FAM120AOS: variants seen among roughly 807,000 people sequenced by gnomAD.
FAM120AOS encodes the protein family with sequence similarity 120 member A opposite strand, also known as uncharacterized protein FAM120AOS.
In FAM120AOS, 15 loss-of-function variants were observed where a neutral mutation model predicts 20.2. The observed-to-expected ratio is 0.74, with a 90% CI of 0.50 to 1.15. The LOEUF (loss-of-function observed/expected upper bound fraction) is 1.15. Ranked by LOEUF, FAM120AOS falls within the 50% of genes most tolerant of loss-of-function variation. The pLI is 0.00. For missense variants in FAM120AOS, 327 were observed against 351.9 expected (o/e 0.93, Z 0.57); for synonymous variants, 154 against 154.0 (o/e 1.00, Z 0.00).
intron 2 of FAM120AOS, among the ~76,000 whole-genome samples, chr9:93,448,100 T>A (rs891202633): frequency 2.0e-5 from 3 of 152,246 alleles, no homozygotes; most frequent in Non-Finnish European, 4.4e-5. Context: ...TGCTAATGAT[T>A]ACATGGGCAG....
At chr9:93,451,154 CA>C (rs757963389) in intron 1 of FAM120AOS, 96 of 1,550,320 alleles carry the variant, frequency 6.2e-5, no homozygotes, top group Non-Finnish European at 8.0e-5. Context: ...GGCCGGCCAG[CA>C]TCCCGCTCTC....
Position 93,444,889 on chromosome 9 carries a change from C to T in FAM120AOS, c.*2722G>A, listed in dbSNP as rs1441846256. On this transcript the variant is annotated 3_prime_UTR_variant, in exon 3 of 3. Transcript: ENST00000375412. The stretch of plus-strand genomic sequence containing the variant: ...TCGGCCTCCCAAAGTGCTGGGATTA[C>T]AGGAATGAGCCACTGCACCCGGCCA... Among the ~76,000 whole-genome samples, 1 of 152,160 alleles carries T rather than the reference C, an allele frequency of 6.6e-6. No individual in the cohort carries two copies. Among genetic ancestry groups the T allele is most frequent in the Non-Finnish European group, 1.5e-5 (1 of 68,034 alleles).
rs1856821236 is a variant in FAM120AOS at position 93,445,591 on chromosome 9, T to G, written c.*2020A>C. Among the ~76,000 whole-genome samples, 2 of 142,486 alleles carry G rather than the reference T, an allele frequency of 1.4e-5. No homozygotes were observed. The highest frequency in any genetic ancestry group is 5.3e-5 in the African/African-American group (2 of 37,586). 93.5% of individuals were successfully genotyped at this position (142,486 alleles called of 152,430 possible). A position where few individuals can be genotyped will look rare whatever the true frequency, so the allele number is the denominator to read the frequency against. Reference sequence around the variant, plus strand: ...CTTTCATAAAAATCGTTGTTTTTTTTTTTTTTTTTTTTTTTTGAGACAAGG... The same window carrying G: ...CTTTCATAAAAATCGTTGTTTTTTTGTTTTTTTTTTTTTTTTGAGACAAGG... On this transcript the variant is annotated 3_prime_UTR_variant, in exon 3 of 3. Transcript: ENST00000375412.
rs1437509301 is a variant in FAM120AOS at position 93,452,633 on chromosome 9, G to A, written c.77C>T (p.Ser26Leu). Residue 26 changes from serine to leucine, a missense_variant, in exon 1 of 3, where the codon TCA becomes TTA. Around this residue, in one of 3 missense-constraint regions of FAM120AOS, gnomAD observed 155 missense variants for 128.8 expected, o/e 1.20. Transcript: ENST00000375412. This position sits in a 1 kb window ranked among gnomAD's most constrained non-coding sequence, Gnocchi z 7.0. The stretch of plus-strand genomic sequence containing the variant: ...GGTCCGCGGCCGCGTGGGGACACTT[G>A]AGGGCTGGGAGAGAGCCCCGGACCA... ...EFWSGALSQP[S>L]SVPTRPRTPN... The A allele has an allele frequency of 1.9e-6, 3 of 1,599,224 alleles. No individual in the cohort carries two copies. The South Asian group carries it at 3.3e-5, about 18-fold the overall frequency.
rs1387879757 is a variant in FAM120AOS at position 93,447,358 on chromosome 9, TTTGTC to T, written c.*248_*252del. On this transcript the variant is annotated 3_prime_UTR_variant, in exon 3 of 3. Coordinates refer to ENST00000375412, the MANE Select transcript of FAM120AOS (RefSeq NM_198841.4). Reference sequence around the variant, plus strand: ...GTATACACCAGGGGCTCAGTCGCTGTTTGTCTTATTTTCTTGTTGACTCTACTCTG... The same window carrying T: ...GTATACACCAGGGGCTCAGTCGCTGTTTATTTTCTTGTTGACTCTACTCTG... The T allele has an allele frequency of 1.4e-5, 6 of 422,814 alleles. No individual in the cohort carries two copies. In the East Asian group the frequency reaches 2.3e-4, roughly 16 times the overall value. 26.2% of individuals were successfully genotyped at this position (422,814 alleles called of 1,614,324 possible).
In FAM120AOS at chr9:93,447,593, G is replaced by C; in HGVS notation, c.*18C>G. The C allele has an allele frequency of 6.2e-7, 1 of 1,611,100 alleles. No individual in the cohort carries two copies. Among genetic ancestry groups the C allele is most frequent in the Non-Finnish European group, 8.5e-7 (1 of 1,177,656 alleles). On this transcript the variant is annotated 3_prime_UTR_variant, in exon 3 of 3. Coordinates refer to ENST00000375412, the MANE Select transcript of FAM120AOS (RefSeq NM_198841.4). ...TTCTTGTCCTTTCAATGCCTCTGCA[G>C]AACTTGACCCTAGTTTTTCAAATTG... is the stretch of plus-strand genomic sequence containing the variant.
chr9:93,447,502 CCAGAAG>C lies in FAM120AOS; in HGVS notation c.*103_*108del. 1 of 1,029,944 alleles carries C rather than the reference CCAGAAG, an allele frequency of 9.7e-7. No homozygotes were observed. Among genetic ancestry groups the C allele is most frequent in the Non-Finnish European group, 1.5e-6 (1 of 675,884 alleles). 63.8% of individuals were successfully genotyped at this position (1,029,944 alleles called of 1,614,324 possible). A position where few individuals can be genotyped will look rare whatever the true frequency, so the allele number is the denominator to read the frequency against. On this transcript the variant is annotated 3_prime_UTR_variant, in exon 3 of 3. Coordinates refer to ENST00000375412, the MANE Select transcript of FAM120AOS (RefSeq NM_198841.4). ...CTCCAATATAGAGAGAACTCTGAAA[CCAGAAG>C]CAGAAGCTGAGGAATGGTGAATAGA...
chr9:93,447,633 C>A lies in FAM120AOS; in HGVS notation c.749G>T (p.Arg250Ile). 1 of 1,613,362 alleles carries A rather than the reference C, an allele frequency of 6.2e-7. No homozygotes were observed. The highest frequency in any genetic ancestry group is 8.5e-7 in the Non-Finnish European group (1 of 1,179,872). The change falls in exon 3 of 3, where the codon AGA becomes ATA. Residue 250 changes from arginine (R) to isoleucine (I), a missense_variant. Physicochemically the swap from Arg to Ile is moderately conservative, Grantham distance 97. Transcript: ENST00000375412. ...SKKTTKPPTL[R>I]SFLSPI The stretch of plus-strand genomic sequence containing the variant: ...TTTTCAAATTGGACTCAAGAATGAT[C>A]TTAGTGTTGGTGGTTTTGTGGTTTT...
At chr9:93,450,340 A>C in intron 2 of FAM120AOS, 139 bp downstream of exon 2, 1 of 1,287,530 alleles carries the variant, frequency 7.8e-7, no homozygotes, top group African/African-American at 1.5e-5. Flanking sequence ...AATTTTATGC[A>C]TAGGTGAGTG....
chr9:93,450,523 C>T lies in FAM120AOS; in HGVS notation c.640G>A (p.Ala214Thr). Reference protein sequence around the residue: ...QLLPSTWSLHAHGLAKEAPIL... With the variant: ...QLLPSTWSLHTHGLAKEAPIL... ...GGGGCTTCTTTGGCCAAACCGTGCG[C>T]GTGCAGGCTCCATGTGCTGGGCAGC... is the stretch of plus-strand genomic sequence containing the variant. The change falls in exon 2 of 3, where the codon GCG becomes ACG. Residue 214 changes from alanine (A) to threonine (T), a missense_variant. Coordinates refer to ENST00000375412, the MANE Select transcript of FAM120AOS (RefSeq NM_198841.4). The T allele has an allele frequency of 6.2e-7, 1 of 1,602,736 alleles. No homozygotes were observed. Among genetic ancestry groups the T allele is most frequent in the Non-Finnish European group, 8.5e-7 (1 of 1,174,586 alleles).
At position 93,451,129 on chromosome 9, in the gene FAM120AOS, C is replaced by T. The variant is rs1043930866; in HGVS notation, c.564-530G>A. 2.6e-6 allele frequency: 4 copies of T among 1,550,498 alleles called. No individual in the cohort carries two copies. The Admixed American group carries it at 5.9e-5, about 23-fold the overall frequency. ...TTCTCGCGCTCCTTCCTGCTCTTTC[C>T]AAGAAGCCAGGCGCGGCCGGCCAGC... On this transcript the variant is annotated intron_variant, in intron 1 of 2. Transcript: ENST00000375412.
In FAM120AOS at chr9:93,449,077, T is replaced by TA. The variant is rs1160970565; in HGVS notation, c.685-1381dup. On this transcript the variant is annotated intron_variant, in intron 2 of 2. Coordinates refer to ENST00000375412, the MANE Select transcript of FAM120AOS (RefSeq NM_198841.4). Reference sequence around the variant, plus strand: ...AAATAAAGTTTTTTTTTTTTTTTTTTAAAGAACACAAAGCTAAATAGGGCA... The same window carrying TA: ...AAATAAAGTTTTTTTTTTTTTTTTTTAAAAGAACACAAAGCTAAATAGGGCA... 9.3e-5 allele frequency among the ~76,000 whole-genome samples: 13 copies of TA among 140,296 alleles called. No individual in the cohort carries two copies. The Admixed American group carries it at 9.4e-4, about 10-fold the overall frequency. 92.0% of individuals were successfully genotyped at this position (140,296 alleles called of 152,430 possible). A position where few individuals can be genotyped will look rare whatever the true frequency, so the allele number is the denominator to read the frequency against.
intron 1 of FAM120AOS, chr9:93,451,164 T>C: frequency 6.5e-7 from 1 of 1,550,220 alleles, no homozygotes; most frequent in Non-Finnish European, 8.7e-7. Flanking sequence ...CATCCCGCTC[T>C]CCCGGACCCC....
chr9:93,448,457 T>C (rs1355980736), intron 2 of FAM120AOS: 1 of 224,754 alleles, frequency 4.4e-6, no homozygotes, highest in East Asian at 1.6e-4. Flanking sequence ...CACATCATTG[T>C]ACTCCAGCCT....
chr9:93,451,806 C>T, intron 1 of FAM120AOS: 2 of 973,804 alleles, frequency 2.1e-6, no homozygotes, highest in Non-Finnish European at 2.4e-6. Flanking sequence ...GCCCCAGTCC[C>T]CCCTAGAGGC....
At position 93,447,489 on chromosome 9, in the gene FAM120AOS, G is replaced by A. The variant is rs1459594958; in HGVS notation, c.*122C>T. 8 of 889,744 alleles carry A rather than the reference G, an allele frequency of 9.0e-6. No homozygotes were observed. The highest frequency in any genetic ancestry group is 3.0e-5 in the South Asian group (2 of 65,922). The allele number at this position is 889,744 out of a possible 1,614,324, so 55.1% of individuals were successfully genotyped here. Reference sequence around the variant, plus strand: ...GCTTTAAAACACCCTCCAATATAGAGAGAACTCTGAAACCAGAAGCAGAAG... The same window carrying A: ...GCTTTAAAACACCCTCCAATATAGAAAGAACTCTGAAACCAGAAGCAGAAG... On this transcript the variant is annotated 3_prime_UTR_variant, in exon 3 of 3. Transcript: ENST00000375412.
Position 93,452,403 on chromosome 9 carries a change from TCCGGGCGGGCCGGGGAC to T in FAM120AOS, c.290_306del (p.Gly97AspfsTer90), listed in dbSNP as rs746494654. 1.4e-5 allele frequency: 22 copies of T among 1,596,246 alleles called. No homozygotes were observed. The highest frequency in any genetic ancestry group is 1.7e-5 in the Non-Finnish European group (20 of 1,172,474). On this transcript the variant is annotated frameshift_variant, in exon 1 of 3. Coordinates refer to ENST00000375412, the MANE Select transcript of FAM120AOS (RefSeq NM_198841.4). LOFTEE classifies it high-confidence loss of function. The surrounding 1 kb of genome is among the most constrained non-coding windows in gnomAD (Gnocchi z 7.0). The stretch of plus-strand genomic sequence containing the variant: ...TTCCACGTCAAGGTGAGGCCGGGGA[TCCGGGCGGGCCGGGGAC>T]CGGGGCCGCGCCGCACCCCTATCCC...
intron 2 of FAM120AOS, 99 bp from the exon 3 acceptor site, chr9:93,447,796 T>C: frequency 2.0e-6 from 2 of 1,010,760 alleles, no homozygotes; most frequent in East Asian, 4.9e-5. Flanking sequence ...TCTGTGGAGC[T>C]CTCCTACCCT....
chr9:93,453,466 C>T lies in FAM120AOS; in HGVS notation c.-757G>A, dbSNP rs1857384341. On this transcript the variant is annotated 5_prime_UTR_variant, in exon 1 of 3. Transcript: ENST00000375412. Reference sequence around the variant, plus strand: ...TTTTGTTGTCTTAGCTCTTGACACTCGGTCTTCCATCTTGTCATTTGACAT... The same window carrying T: ...TTTTGTTGTCTTAGCTCTTGACACTTGGTCTTCCATCTTGTCATTTGACAT... 2.0e-6 allele frequency: 2 copies of T among 985,486 alleles called. No homozygotes were observed. The highest frequency in any genetic ancestry group is 2.4e-6 in the Non-Finnish European group (2 of 829,954). 61.0% of individuals were successfully genotyped at this position (985,486 alleles called of 1,614,324 possible).
Sources: allele counts gnomAD v4.1 joint callset (sites outside exome capture counted in the v4.1 genomes callset), GRCh38; gene constraint gnomAD v4.1.1; regional missense constraint gnomAD v4.1.1; non-coding constraint Gnocchi (gnomAD v3.1); transcripts MANE v1.5; gene names NCBI Gene and HGNC (gene_info 2026-07-23, HGNC 2026-07-21).